FRMPD1: variants seen among roughly 807,000 people sequenced by gnomAD.
FRMPD1 encodes FERM and PDZ domain-containing protein 1.
FRMPD1 carries 76 observed loss-of-function variants against 117.8 expected under a neutral mutation model. The observed-to-expected ratio is 0.65, with a 90% CI of 0.54 to 0.78. The LOEUF is 0.78. FRMPD1 is among the 30% of genes least tolerant of loss of function. The pLI is 0.00. For synonymous variants in FRMPD1, 783 were observed against 770.4 expected (o/e 1.02, Z -0.27); for missense variants, 1,786 against 1,964.5 (o/e 0.91, Z 1.72).
the FRMPD1 span, among the ~76,000 whole-genome samples, chr9:37,626,294 A>C: frequency 6.6e-6 from 1 of 152,030 alleles, no homozygotes. Flanking sequence ...GCGCCACTGC[A>C]CTCCAGCCTG....
At chr9:37,727,080 G>T (rs2118339633) in intron 7 of FRMPD1, among the ~76,000 whole-genome samples, 1 of 152,346 alleles carries the variant, frequency 6.6e-6, no homozygotes, top group African/African-American at 2.4e-5. Context: ...TGTGGGGCTT[G>T]TGGGCAGAGT....
chr9:37,622,930 A>C, the FRMPD1 span, among the ~76,000 whole-genome samples: 36,145 of 151,910 alleles, frequency 0.24, 4,857 homozygotes, highest in South Asian at 0.31. Context: ...AAAAAAAAAC[A>C]AAGAGAGATG....
intron 1 of FRMPD1, among the ~76,000 whole-genome samples, chr9:37,672,009 T>C (rs778851238): frequency 6.6e-6 from 1 of 151,626 alleles, no homozygotes; most frequent in Non-Finnish European, 1.5e-5. Flanking sequence ...AACAAAACAA[T>C]TGGGGTAGGT....
chr9:37,612,515 A>ATTTTTT, the FRMPD1 span, among the ~76,000 whole-genome samples: 1 of 92,076 alleles, frequency 1.1e-5, no homozygotes, highest in Non-Finnish European at 2.1e-5. Context: ...TGCCCAGCTA[A>ATTTTTT]TTTTTTTTTT....
intron 1 of FRMPD1, among the ~76,000 whole-genome samples, chr9:37,653,578 A>G (rs971687813): frequency 1.9e-4 from 29 of 152,322 alleles, no homozygotes; most frequent in African/African-American, 7.0e-4. Context: ...AAGGCTAATC[A>G]GAAGGCTCAA....
upstream of FRMPD1, among the ~76,000 whole-genome samples, chr9:37,650,762 C>G (rs1820642599): frequency 6.6e-6 from 1 of 151,748 alleles, no homozygotes; most frequent in Non-Finnish European, 1.5e-5. Context: ...CGGGTGGGAG[C>G]GGGACCGCCC....
chr9:37,661,868 C>T (rs2119387746), intron 1 of FRMPD1: 1 of 152,578 alleles, frequency 6.6e-6, no homozygotes, highest in Non-Finnish European at 1.5e-5. Flanking sequence ...TACCCTTGAC[C>T]AAAGACCAGT....
At chr9:37,678,250 A>G (rs945682774) in intron 1 of FRMPD1, among the ~76,000 whole-genome samples, 10 of 70,164 alleles carry the variant, frequency 1.4e-4, no homozygotes, top group African/African-American at 6.1e-4. Context: ...AGTACTTACC[A>G]CTTTTTTTTT....
the FRMPD1 span, among the ~76,000 whole-genome samples, chr9:37,620,032 C>T: frequency 6.6e-6 from 1 of 152,108 alleles, no homozygotes; most frequent in Non-Finnish European, 1.5e-5. Flanking sequence ...CAGTTGGCAG[C>T]TGCATTCCAT....
rs924348140 is a variant in FRMPD1 at position 37,728,538 on chromosome 9, C to T, written c.613-1190C>T. ...CCTCACAGAGGGCTGCTCTAGTGAG[C>T]AAGAAGAGTGTGGCGTGGCAACCAG... On this transcript the variant is annotated intron_variant, in intron 7 of 15. Coordinates refer to ENST00000377765, the MANE Select transcript of FRMPD1 (RefSeq NM_014907.3). Among the ~76,000 whole-genome samples the T allele has an allele frequency of 6.6e-5, 10 of 152,192 alleles. No individual in the cohort carries two copies. The East Asian group carries it at 1.9e-3, about 29-fold the overall frequency.
rs904102813 is a variant in FRMPD1, at chr9:37,721,591, G to GA, written c.516+2423dup. ...AAATTGGCTTAAACTTTTTTGAGTGGAAAAAAAACAAAATTTAATGACTGC... is the reference window on the plus strand; with the variant it reads ...AAATTGGCTTAAACTTTTTTGAGTGGAAAAAAAAACAAAATTTAATGACTGC... On this transcript the variant is annotated intron_variant, in intron 6 of 15. Coordinates refer to ENST00000377765, the MANE Select transcript of FRMPD1 (RefSeq NM_014907.3). Among the ~76,000 whole-genome samples, 8 of 151,514 alleles carry GA rather than the reference G, an allele frequency of 5.3e-5. No homozygotes were observed. The East Asian group carries it at 7.7e-4, about 15-fold the overall frequency.
chr9:37,623,892 A>C, the FRMPD1 span, among the ~76,000 whole-genome samples: 1 of 152,312 alleles, frequency 6.6e-6, no homozygotes, highest in East Asian at 1.9e-4. Context: ...AAATCAATGA[A>C]TTTATGACTG....
chr9:37,744,438 T>C lies in FRMPD1; in HGVS notation c.2406T>C (p.Asn802=), dbSNP rs913929242. 5 of 1,613,490 alleles carry C rather than the reference T, an allele frequency of 3.1e-6. No homozygotes were observed. The highest frequency in any genetic ancestry group is 4.2e-6 in the Non-Finnish European group (5 of 1,179,690). Residue 802 remains asparagine (N), a synonymous_variant, in exon 16 of 16, where the codon AAT becomes AAC. Transcript: ENST00000377765. ...TAEPSATSLQ[N]KASTSSPENS... ...AACCCAGTGCCACAAGCTTGCAGAA[T>C]AAGGCCAGCACTTCTAGCCCTGAGA...
chr9:37,711,256 G>C (rs1822898927), intron 4 of FRMPD1, 94 bp from the exon 5 acceptor site: 3 of 838,806 alleles, frequency 3.6e-6, no homozygotes, highest in Non-Finnish European at 4.1e-6. Context: ...CAGTCTTTTT[G>C]ACCCTAACAC....
intron 1 of FRMPD1, among the ~76,000 whole-genome samples, chr9:37,681,781 C>T (rs1821739039): frequency 6.6e-6 from 1 of 152,234 alleles, no homozygotes; most frequent in African/African-American, 2.4e-5. Flanking sequence ...AGGCATTCTG[C>T]TAGGCTCTGC....
At chr9:37,719,959 A>G (rs1823321310) in intron 6 of FRMPD1, among the ~76,000 whole-genome samples, 2 of 152,180 alleles carry the variant, frequency 1.3e-5, no homozygotes, top group Admixed American at 6.5e-5. Context: ...ATTTCTTAAT[A>G]TTAGACTTTG....
intron 4 of FRMPD1, among the ~76,000 whole-genome samples, chr9:37,710,959 C>CAA (rs33962036): frequency 7.0e-4 from 75 of 106,838 alleles, no homozygotes; most frequent in Non-Finnish European, 7.7e-4. Flanking sequence ...CTCTGTCTCA[C>CAA]AAAAAAAAAA....
the FRMPD1 span, among the ~76,000 whole-genome samples, chr9:37,606,799 C>T: frequency 0.027 from 4,114 of 151,002 alleles, 88 homozygotes; most frequent in Middle Eastern, 0.044. Context: ...AGCTCTCCTC[C>T]ACCTAGAGTT....
chr9:37,647,750 G>A (rs984837538), upstream of FRMPD1, among the ~76,000 whole-genome samples: 4 of 152,168 alleles, frequency 2.6e-5, no homozygotes, highest in African/African-American at 9.7e-5. Flanking sequence ...CTGTACATAA[G>A]TACAGCAGAG....
Sources: allele counts gnomAD v4.1 joint callset (sites outside exome capture counted in the v4.1 genomes callset), GRCh38; gene constraint gnomAD v4.1.1; transcripts MANE v1.5; gene names NCBI Gene and HGNC (gene_info 2026-07-23, HGNC 2026-07-21).